SLC13A3: variants seen among roughly 807,000 people sequenced by gnomAD.
SLC13A3 encodes Na(+)/dicarboxylate cotransporter 3.
Under a neutral mutation model 59.0 loss-of-function variants are expected in SLC13A3, and 40 were observed. That is an observed-to-expected ratio of 0.68 (90% confidence interval 0.53 to 0.88). The LOEUF (loss-of-function observed/expected upper bound fraction) is 0.88. SLC13A3 is among the 40% of genes least tolerant of loss of function. The probability of loss-of-function intolerance (pLI) is 0.00; values close to 1 mark genes in which losing one functional copy is unlikely to be tolerated. For missense variants in SLC13A3, 699 were observed against 783.2 expected (o/e 0.89, Z 1.28); for synonymous variants, 317 against 330.3 (o/e 0.96, Z 0.44).
chr20:46,581,713 T>C (rs917446401), intron 9 of SLC13A3, among the ~76,000 whole-genome samples: 1 of 152,060 alleles, frequency 6.6e-6, no homozygotes, highest in Non-Finnish European at 1.5e-5. Flanking sequence ...GAAGTGGAGT[T>C]GGCAGAAGCC....
At chr20:46,563,632 G>GAGA in intron 11 of SLC13A3, 81 bp from the exon 12 acceptor site, 5 of 1,455,542 alleles carry the variant, frequency 3.4e-6, no homozygotes, top group Non-Finnish European at 4.6e-6. Flanking sequence ...GAGAGAGAGA[G>GAGA]GCAGTTGGAA....
intron 1 of SLC13A3, among the ~76,000 whole-genome samples, chr20:46,677,667 T>A (rs2063134117): frequency 6.6e-6 from 1 of 152,130 alleles, no homozygotes; most frequent in Admixed American, 6.6e-5. Flanking sequence ...ATACATGCCA[T>A]CTTATCTAAA....
At position 46,596,219 on chromosome 20, in the gene SLC13A3, A is replaced by G; in HGVS notation, c.732T>C (p.Ile244=). Residue 244 remains isoleucine, a synonymous_variant, in exon 5 of 13, where the codon ATT becomes ATC. Transcript: ENST00000279027. ...FLISIPYSAS[I]GGTATLTGTA... ...TGCCCGTGAGTGTGGCTGTGCCCCC[A>G]ATACTGGCTGAGTAGGGGATGGAGA... The G allele has an allele frequency of 1.2e-6, 2 of 1,614,114 alleles. No individual in the cohort carries two copies. The highest frequency in any genetic ancestry group is 1.7e-5 in the Admixed American group (1 of 60,022).
chr20:46,632,529 G>A (rs991186496), intron 1 of SLC13A3, among the ~76,000 whole-genome samples: 4 of 151,866 alleles, frequency 2.6e-5, no homozygotes, highest in African/African-American at 9.7e-5. Context: ...GGACCTGGGG[G>A]TTATAATCCG....
chr20:46,682,185 G>T (rs1195315642), intron 1 of SLC13A3: 1 of 152,204 alleles, frequency 6.6e-6, no homozygotes, highest in Non-Finnish European at 1.5e-5. Flanking sequence ...ATCTTAATGG[G>T]ATGGTTTTAA....
chr20:46,589,277 T>G (rs1201407025), intron 6 of SLC13A3, 22 bp from the exon 7 acceptor site: 1 of 1,605,304 alleles, frequency 6.2e-7, no homozygotes, highest in Non-Finnish European at 8.5e-7. Context: ...AGTGGGAGAT[T>G]AGGAGTGGCC....
intron 1 of SLC13A3, among the ~76,000 whole-genome samples, chr20:46,632,820 T>C (rs1480777297): frequency 6.6e-6 from 1 of 151,982 alleles, no homozygotes; most frequent in Non-Finnish European, 1.5e-5. Flanking sequence ...TTTCTTCCTC[T>C]CACTCTCTCT....
At chr20:46,608,946 T>C in intron 3 of SLC13A3, 1 of 1,550,900 alleles carries the variant, frequency 6.4e-7, no homozygotes, top group South Asian at 1.2e-5. Flanking sequence ...GTTGCACACA[T>C]CATTTCCACT....
intron 3 of SLC13A3, among the ~76,000 whole-genome samples, chr20:46,605,361 G>A (rs2062427710): frequency 6.7e-6 from 1 of 150,190 alleles, no homozygotes; most frequent in African/African-American, 2.5e-5. Context: ...TGACCTCAGT[G>A]GCCCAAGAGA....
intron 3 of SLC13A3, chr20:46,600,670 A>C (rs2062371465): frequency 2.5e-6 from 1 of 401,266 alleles, no homozygotes; most frequent in Admixed American, 2.7e-5. Flanking sequence ...CCAATTGTCC[A>C]TTCATTCATT....
chr20:46,639,033 A>G (rs1325055825), intron 1 of SLC13A3, among the ~76,000 whole-genome samples: 2 of 152,188 alleles, frequency 1.3e-5, no homozygotes, highest in African/African-American at 4.8e-5. Flanking sequence ...AAGGTAGCCA[A>G]TGTTTTTTTA....
chr20:46,673,472 C>G (rs1345953032), upstream of SLC13A3, among the ~76,000 whole-genome samples: 2 of 152,122 alleles, frequency 1.3e-5, no homozygotes, highest in Non-Finnish European at 2.9e-5. Flanking sequence ...TTGAGCATAG[C>G]AAGTTCTCTG....
chr20:46,663,828 G>A (rs1340305568), intron 1 of SLC13A3, among the ~76,000 whole-genome samples: 1 of 152,144 alleles, frequency 6.6e-6, no homozygotes, highest in East Asian at 1.9e-4. Context: ...CCACTACACT[G>A]TAATAACTCT....
intron 3 of SLC13A3, among the ~76,000 whole-genome samples, chr20:46,607,317 C>T (rs1054709588): frequency 4.6e-5 from 7 of 152,282 alleles, no homozygotes; most frequent in African/African-American, 1.7e-4. Context: ...CCTTCATGAA[C>T]CTATAGCTCC....
chr20:46,575,246 A>G (rs2062063658), intron 10 of SLC13A3, among the ~76,000 whole-genome samples: 1 of 152,188 alleles, frequency 6.6e-6, no homozygotes, highest in Non-Finnish European at 1.5e-5. Flanking sequence ...CATGTTGAAC[A>G]GTGTCTGGCA....
chr20:46,676,249 C>G (rs1220353044), intron 1 of SLC13A3, among the ~76,000 whole-genome samples: 2 of 151,912 alleles, frequency 1.3e-5, no homozygotes, highest in Non-Finnish European at 2.9e-5. Context: ...CTGAAAAGTA[C>G]CCATATAAAC....
At chr20:46,657,373 A>C (rs78901153) in intron 1 of SLC13A3, among the ~76,000 whole-genome samples, 3 of 127,738 alleles carry the variant, frequency 2.3e-5, no homozygotes, top group Non-Finnish European at 3.6e-5. Flanking sequence ...AAAATGTCTC[A>C]AAAAAAAAAA....
At chr20:46,646,744 A>G (rs2062897951) in intron 1 of SLC13A3, among the ~76,000 whole-genome samples, 2 of 152,258 alleles carry the variant, frequency 1.3e-5, no homozygotes, top group South Asian at 4.1e-4. Flanking sequence ...ATAAAAAACT[A>G]AGAATTTATA....
intron 5 of SLC13A3, among the ~76,000 whole-genome samples, chr20:46,595,296 T>C (rs577425732): frequency 3.4e-4 from 52 of 152,360 alleles, no homozygotes; most frequent in Non-Finnish European, 6.6e-4. Flanking sequence ...GTTGTGCAGT[T>C]GGAACATCTT....
Sources: allele counts gnomAD v4.1 joint callset (sites outside exome capture counted in the v4.1 genomes callset), GRCh38; gene constraint gnomAD v4.1.1; transcripts MANE v1.5; gene names NCBI Gene and HGNC (gene_info 2026-07-23, HGNC 2026-07-21).